Variants in CPED1 observed in about 807,000 individuals in gnomAD.
The protein encoded by CPED1 is cadherin like and PC-esterase domain containing 1.
Under a neutral mutation model 128.2 loss-of-function variants are expected in CPED1, and 114 were observed. The observed-to-expected ratio is 0.89, with a 90% CI of 0.76 to 1.04. The LOEUF is 1.04. CPED1 is among the 50% of genes least tolerant of loss of function. The probability of loss-of-function intolerance (pLI) is 0.00; values close to 1 mark genes in which losing one functional copy is unlikely to be tolerated. For missense variants in CPED1, 1,211 were observed against 1,207.1 expected, an observed-to-expected ratio of 1.00 and a Z score of -0.05; for synonymous variants, 462 against 426.7, an observed-to-expected ratio of 1.08 and a Z score of -1.02.
At chr7:121,064,432 A>G in intron 5 of CPED1, 119 bp downstream of exon 5, 2 of 683,976 alleles carry the variant, frequency 2.9e-6, no homozygotes, top group East Asian at 5.4e-5. Context: ...CAATTCGGCA[A>G]TCACAGATCT....
chr7:121,030,773 T>C (rs1792707979), intron 3 of CPED1, among the ~76,000 whole-genome samples: 1 of 152,226 alleles, frequency 6.6e-6, no homozygotes, highest in Non-Finnish European at 1.5e-5. Context: ...TATTTTATAG[T>C]GTTTTGTACT....
intron 4 of CPED1, among the ~76,000 whole-genome samples, chr7:121,047,675 T>TC (rs1191457924): frequency 8.5e-4 from 10 of 11,818 alleles, no homozygotes; most frequent in African/African-American, 2.4e-3. Flanking sequence ...TTCTTCTTCT[T>TC]CTTCTTCTTC....
At chr7:121,294,875 A>G (rs970299089) in intron 22 of CPED1, among the ~76,000 whole-genome samples, 1 of 152,098 alleles carries the variant, frequency 6.6e-6, no homozygotes, top group Non-Finnish European at 1.5e-5. Flanking sequence ...TTATTAGTTT[A>G]ATAGTGCATA....
chr7:121,070,575 T>G (rs1793958915), intron 5 of CPED1, among the ~76,000 whole-genome samples: 1 of 152,144 alleles, frequency 6.6e-6, no homozygotes, highest in South Asian at 2.1e-4. Flanking sequence ...ATAAGCCTCT[T>G]AGATGTATTT....
rs528985000 is a variant in CPED1, at chr7:121,055,577, AATATAG to A, written c.540+8590_540+8595del. Reference sequence around the variant, plus strand: ...CATAAAATATAATTATATGTGTAAAAATATAGATATAATAAATAATTATGATATAAT... The same window carrying A: ...CATAAAATATAATTATATGTGTAAAAATATAATAAATAATTATGATATAAT... On this transcript the variant is annotated intron_variant, in intron 4 of 22. Coordinates refer to ENST00000310396, the MANE Select transcript of CPED1 (RefSeq NM_024913.5). 7.0e-3 allele frequency among the ~76,000 whole-genome samples: 1,058 copies of A among 150,368 alleles called. 14 individuals are homozygous for A. The highest frequency in any genetic ancestry group is 0.025 in the African/African-American group (1,012 of 41,294).
chr7:121,100,398 T>C (rs1268764715), intron 7 of CPED1, among the ~76,000 whole-genome samples: 2 of 152,194 alleles, frequency 1.3e-5, no homozygotes, highest in Non-Finnish European at 2.9e-5. Flanking sequence ...TTTCTTAATT[T>C]TTCACTTATT....
At chr7:121,226,321 G>A (rs763554356) in intron 16 of CPED1, among the ~76,000 whole-genome samples, 3 of 152,008 alleles carry the variant, frequency 2.0e-5, no homozygotes, top group Non-Finnish European at 2.9e-5. Flanking sequence ...GGCTTGGTTG[G>A]AAATGCAGAA....
At chr7:121,194,016 CTCTCTCTATATATATA>C (rs1308848588) in intron 16 of CPED1, among the ~76,000 whole-genome samples, 2 of 70,838 alleles carry the variant, frequency 2.8e-5, no homozygotes, top group Non-Finnish European at 5.8e-5. Context: ...CTCTCTCTCT[CTCTCTCTATATATATA>C]TATATATATA....
chr7:121,170,968 T>G (rs1796638480), intron 16 of CPED1, among the ~76,000 whole-genome samples: 4 of 151,934 alleles, frequency 2.6e-5, no homozygotes, highest in Admixed American at 6.6e-5. Flanking sequence ...GAGAATCGCT[T>G]GAACCTGGGA....
At chr7:121,145,003 T>C (rs529653067) in intron 16 of CPED1, among the ~76,000 whole-genome samples, 2 of 152,150 alleles carry the variant, frequency 1.3e-5, no homozygotes, top group East Asian at 3.9e-4. Context: ...AAATGTCCTA[T>C]ATCTTAATCT....
chr7:121,170,300 T>C (rs1232708271), intron 16 of CPED1, among the ~76,000 whole-genome samples: 6 of 152,176 alleles, frequency 3.9e-5, no homozygotes, highest in Non-Finnish European at 7.4e-5. Context: ...TTTAAGCAGG[T>C]TGCCTGTACC....
In CPED1 at chr7:121,064,266, C is replaced by G; in HGVS notation, c.569C>G (p.Pro190Arg). The G allele has an allele frequency of 6.2e-7, 1 of 1,612,276 alleles. No homozygotes were observed. The highest frequency in any genetic ancestry group is 1.3e-5 in the African/African-American group (1 of 75,020). ...KANRLPEIQQ[P>R]LCRKEGLCQI... ...AACAGATTACCAGAAATACAGCAGC[C>G]ACTTTGCAGAAAGGAAGGATTATGT... The change falls in exon 5 of 23, where the codon CCA (proline) becomes CGA (arginine). Residue 190 changes from proline (P) to arginine (R), a missense_variant. Physicochemically the swap from Pro to Arg is moderately radical, Grantham distance 103 (BLOSUM62 -2). Transcript: ENST00000310396.
At chr7:121,263,430 C>T (rs902077410) in intron 18 of CPED1, among the ~76,000 whole-genome samples, 3 of 152,082 alleles carry the variant, frequency 2.0e-5, no homozygotes, top group African/African-American at 7.2e-5. Flanking sequence ...TGCATACATA[C>T]ATTTTGTGCC....
At chr7:121,129,435 C>G (rs1198987535) in intron 11 of CPED1, among the ~76,000 whole-genome samples, 1 of 149,870 alleles carries the variant, frequency 6.7e-6, no homozygotes, top group East Asian at 2.0e-4. Flanking sequence ...AATTTGGTCC[C>G]AAATTTTGGA....
At chr7:121,145,473 A>G (rs780006167) in intron 16 of CPED1, among the ~76,000 whole-genome samples, 7 of 152,102 alleles carry the variant, frequency 4.6e-5, no homozygotes, top group Non-Finnish European at 8.8e-5. Flanking sequence ...ATTATATTTT[A>G]TAACATGGAA....
Position 120,989,729 on chromosome 7 carries a change from A to G in CPED1, c.108A>G (p.Arg36=). ...ICLFYQTLTL[R]GSRKLTAAAP... is the part of the protein sequence containing the mutation. Reference sequence around the variant, plus strand: ...TCTTCTACCAGACTCTGACCCTCCGAGGGTCGAGGAAGCTCACAGCCGCTG... The same window carrying G: ...TCTTCTACCAGACTCTGACCCTCCGGGGGTCGAGGAAGCTCACAGCCGCTG... Residue 36 remains arginine, a synonymous_variant, in exon 2 of 23, where the codon CGA becomes CGG. Coordinates refer to ENST00000310396, the MANE Select transcript of CPED1 (RefSeq NM_024913.5). 6.2e-7 allele frequency: 1 copy of G among 1,613,760 alleles called. No homozygotes were observed.
intron 18 of CPED1, among the ~76,000 whole-genome samples, chr7:121,248,478 G>A (rs1319554901): frequency 2.0e-5 from 3 of 151,720 alleles, no homozygotes; most frequent in Non-Finnish European, 4.4e-5. Flanking sequence ...AAATACAGAG[G>A]AGCCCTGTGG....
chr7:121,071,231 TTCC>T (rs1240386578), intron 5 of CPED1, among the ~76,000 whole-genome samples: 1 of 152,074 alleles, frequency 6.6e-6, no homozygotes, highest in Non-Finnish European at 1.5e-5. Context: ...CTGGATAAAT[TTCC>T]TCATGTTTCT....
chr7:121,182,393 T>C (rs57849257), intron 16 of CPED1, among the ~76,000 whole-genome samples: 122 of 152,084 alleles, frequency 8.0e-4, no homozygotes, highest in African/African-American at 2.7e-3. Flanking sequence ...GTAGGAGTGA[T>C]GTGGCATTTC....
Sources: gnomAD v4.1 joint callset for allele counts (sites outside exome capture counted in the v4.1 genomes callset) on GRCh38, gnomAD v4.1.1 for gene constraint, MANE v1.5 for transcripts, NCBI Gene and HGNC (gene_info 2026-07-23, HGNC 2026-07-21) for gene names.